The following MIA2 variants were observed in gnomAD, a reference collection of about 807,000 sequenced individuals.
The protein encoded by MIA2 is melanoma inhibitory activity protein 2.
A neutral mutation model predicts 167.8 loss-of-function variants in MIA2; 127 were observed. The ratio of observed to expected loss-of-function variants is 0.76; its 90% CI spans 0.66 to 0.88. MIA2 has a LOEUF of 0.88. MIA2 is among the 40% of genes least tolerant of loss of function. The probability of loss-of-function intolerance (pLI) is 0.00; values close to 1 mark genes in which losing one functional copy is unlikely to be tolerated. For missense variants in MIA2, 1,690 were observed against 1,624.7 expected, an observed-to-expected ratio of 1.04 and a Z score of -0.69; for synonymous variants, 552 against 541.9, an observed-to-expected ratio of 1.02 and a Z score of -0.26.
intron 24 of MIA2, among the ~76,000 whole-genome samples, chr14:39,322,237 T>C (rs1307941857): frequency 6.6e-6 from 1 of 152,126 alleles, no homozygotes; most frequent in East Asian, 1.9e-4. Context: ...TACTGTGGTC[T>C]GCATCATTTG....
At chr14:39,287,673 C>T (rs1223261760) in intron 9 of MIA2, among the ~76,000 whole-genome samples, 1 of 152,040 alleles carries the variant, frequency 6.6e-6, no homozygotes, top group East Asian at 1.9e-4. Flanking sequence ...AGCAATTCTC[C>T]TGCGTCAGCC....
intron 6 of MIA2, chr14:39,265,281 T>C: frequency 1.2e-6 from 1 of 843,180 alleles, no homozygotes; most frequent in South Asian, 1.5e-5. Flanking sequence ...GATCACAGTG[T>C]GGAAACAGAA....
chr14:39,265,288 A>T, intron 6 of MIA2: 2 of 876,654 alleles, frequency 2.3e-6, no homozygotes, highest in Non-Finnish European at 3.7e-6. Context: ...GTGTGGAAAC[A>T]GAAGAGTGCA....
downstream of MIA2, among the ~76,000 whole-genome samples, chr14:39,355,615 A>G (rs962083968): frequency 3.3e-5 from 5 of 152,128 alleles, no homozygotes; most frequent in African/African-American, 1.2e-4. Flanking sequence ...GAGAGAGGGC[A>G]TCCCTGTCTT....
chr14:39,267,473 G>T, intron 6 of MIA2: 2 of 1,613,192 alleles, frequency 1.2e-6, no homozygotes, highest in South Asian at 2.2e-5. Flanking sequence ...GAGGAGCCCG[G>T]GGTTACCCCT....
chr14:39,352,871 T>C (rs150030903), downstream of MIA2, among the ~76,000 whole-genome samples: 2 of 152,302 alleles, frequency 1.3e-5, no homozygotes, highest in Non-Finnish European at 2.9e-5. Flanking sequence ...ATTTTTTATA[T>C]TGAGAATACT....
At chr14:39,289,754 A>G (rs867047512) in intron 9 of MIA2, among the ~76,000 whole-genome samples, 2 of 152,312 alleles carry the variant, frequency 1.3e-5, no homozygotes, top group South Asian at 2.1e-4. Context: ...AAATGCTGGG[A>G]TTACAGACAT....
downstream of MIA2, among the ~76,000 whole-genome samples, chr14:39,351,933 C>T (rs780412721): frequency 2.6e-5 from 4 of 152,118 alleles, no homozygotes; most frequent in Non-Finnish European, 4.4e-5. Flanking sequence ...TCAGTAAATC[C>T]AGTGTCGTAA....
chr14:39,288,453 A>T (rs1444770030), intron 9 of MIA2, among the ~76,000 whole-genome samples: 6,046 of 13,698 alleles, frequency 0.44, 1,226 homozygotes, highest in East Asian at 0.71. Context: ...ATATATATAT[A>T]TATATATATA....
intron 6 of MIA2, among the ~76,000 whole-genome samples, chr14:39,262,482 C>T (rs1056593282): frequency 1.3e-5 from 2 of 152,108 alleles, no homozygotes; most frequent in Non-Finnish European, 2.9e-5. Context: ...TTGCTTAGGA[C>T]TGTCTTGGCA....
intron 17 of MIA2, among the ~76,000 whole-genome samples, chr14:39,305,673 C>G (rs938499049): frequency 6.6e-6 from 1 of 152,220 alleles, no homozygotes; most frequent in Admixed American, 6.5e-5. Context: ...CGGCGGCTCA[C>G]GCCTATAATC....
intron 4 of MIA2, among the ~76,000 whole-genome samples, chr14:39,249,572 C>T (rs898544824): frequency 2.6e-5 from 4 of 152,074 alleles, no homozygotes; most frequent in African/African-American, 7.2e-5. Flanking sequence ...CAACTTTCTC[C>T]CTCAAGTCCC....
At chr14:39,349,039 T>C (rs1448911218) in intron 28 of MIA2, 62 bp downstream of exon 28, 2 of 1,545,880 alleles carry the variant, frequency 1.3e-6, no homozygotes, top group East Asian at 4.5e-5. Context: ...GGAGATTTAA[T>C]TTTACTATCT....
intron 16 of MIA2, among the ~76,000 whole-genome samples, chr14:39,303,814 A>G (rs1415200971): frequency 6.6e-6 from 1 of 151,832 alleles, no homozygotes; most frequent in African/African-American, 2.4e-5. Flanking sequence ...CCCTCAGTGC[A>G]TTCTTTTTCT....
At position 39,290,929 on chromosome 14, in the gene MIA2, A is replaced by G. The variant is rs1275209392; in HGVS notation, c.2131-90A>G. The G allele has an allele frequency of 5.7e-5, 67 of 1,174,900 alleles. 1 individual carries two copies. The South Asian group carries it at 9.6e-4, about 17-fold the overall frequency. 72.8% of individuals were successfully genotyped at this position (1,174,900 alleles called of 1,614,324 possible). ...AGTAAATTTAATGTATTATGTGGAAATGGATTCTGTCTGCTTCTTAGGCAT... is the reference window on the plus strand; with the variant it reads ...AGTAAATTTAATGTATTATGTGGAAGTGGATTCTGTCTGCTTCTTAGGCAT... On this transcript the variant is annotated intron_variant, in intron 9 of 28. Transcript: ENST00000640607.
intron 23 of MIA2, among the ~76,000 whole-genome samples, chr14:39,379,697 C>G (rs1008067943): frequency 1.3e-5 from 2 of 151,958 alleles, no homozygotes; most frequent in African/African-American, 4.8e-5. Flanking sequence ...ACTAAAAATA[C>G]AAAAATTAGC....
chr14:39,299,249 A>G (rs1026904667), intron 13 of MIA2, among the ~76,000 whole-genome samples: 2 of 150,158 alleles, frequency 1.3e-5, no homozygotes, highest in South Asian at 2.1e-4. Flanking sequence ...CTGTAAAAGT[A>G]TATATAGTAG....
chr14:39,314,757 T>A lies in MIA2; in HGVS notation c.3138T>A (p.Leu1046=), dbSNP rs1566885452. 10 of 1,608,982 alleles carry A rather than the reference T, an allele frequency of 6.2e-6. No individual in the cohort carries two copies. Among genetic ancestry groups the A allele is most frequent in the Non-Finnish European group, 8.5e-6 (10 of 1,177,246 alleles). The change falls in exon 20 of 29, where the codon CTT becomes CTA. Residue 1046 remains leucine (L), a synonymous_variant. Transcript: ENST00000640607. Reference sequence around the variant, plus strand: ...CATTTAGAAAGCGAGCCAAAGATCTTGAAGAAGAATTGGAGAGAACTATTC... The same window carrying A: ...CATTTAGAAAGCGAGCCAAAGATCTAGAAGAAGAATTGGAGAGAACTATTC... ...LETYRKRAKD[L]EEELERTIHS... is the part of the protein sequence containing the mutation.
chr14:39,279,517 T>A lies in MIA2; in HGVS notation c.2110T>A (p.Phe704Ile), dbSNP rs1263482344. The change falls in exon 9 of 29, where the codon TTT becomes ATT. Residue 704 changes from phenylalanine to isoleucine, a missense_variant. Phe to Ile is a conservative substitution (Grantham distance 21). Transcript: ENST00000640607. Reference protein sequence around the residue: ...IEEKSKLLEKFSLVQKEYEGY... With the variant: ...IEEKSKLLEKISLVQKEYEGY... Reference sequence around the variant, plus strand: ...AGAAAAAAGTAAACTACTTGAAAAATTTAGCCTTGTTCAAAAAGAGGTAAG... The same window carrying A: ...AGAAAAAAGTAAACTACTTGAAAAAATTAGCCTTGTTCAAAAAGAGGTAAG... 1.9e-6 allele frequency: 3 copies of A among 1,604,996 alleles called. No homozygotes were observed. Among genetic ancestry groups the A allele is most frequent in the Non-Finnish European group, 2.5e-6 (3 of 1,176,524 alleles).
Sources: gnomAD v4.1 joint callset for allele counts (sites outside exome capture counted in the v4.1 genomes callset) on GRCh38, gnomAD v4.1.1 for gene constraint, MANE v1.5 for transcripts, NCBI Gene and HGNC (gene_info 2026-07-23, HGNC 2026-07-21) for gene names.